Variants in CACNA2D3 observed in about 807,000 individuals in gnomAD.
CACNA2D3 encodes calcium voltage-gated channel auxiliary subunit alpha2delta 3.
Under a neutral mutation model 160.6 loss-of-function variants are expected in CACNA2D3, and 60 were observed. The ratio of observed to expected loss-of-function variants is 0.37; its 90% confidence interval spans 0.30 to 0.46. CACNA2D3 has a LOEUF of 0.46. CACNA2D3 is among the 20% of genes least tolerant of loss of function. CACNA2D3 has a pLI of 1.00. For missense variants in CACNA2D3, 1,205 were observed against 1,365.0 expected, an observed-to-expected ratio of 0.88 and a Z score of 1.85; for synonymous variants, 558 against 492.9, an observed-to-expected ratio of 1.13 and a Z score of -1.75.
intron 4 of CACNA2D3, among the ~76,000 whole-genome samples, chr3:54,426,431 T>A (rs892937633): frequency 1.2e-4 from 18 of 152,346 alleles, no homozygotes; most frequent in African/African-American, 4.3e-4. Flanking sequence ...TGGAATCAAT[T>A]ACACAGTGCT....
intron 2 of CACNA2D3, among the ~76,000 whole-genome samples, chr3:54,303,709 G>C (rs1282436856): frequency 6.6e-6 from 1 of 152,150 alleles, no homozygotes; most frequent in African/African-American, 2.4e-5. Context: ...ACACTTAGGG[G>C]AGACATGGCT....
At chr3:54,358,128 T>A (rs1451655541) in intron 3 of CACNA2D3, among the ~76,000 whole-genome samples, 13 of 152,288 alleles carry the variant, frequency 8.5e-5, no homozygotes, top group Admixed American at 8.5e-4. Flanking sequence ...TATGGGAAAT[T>A]GTGTGTGTGA....
intron 27 of CACNA2D3, among the ~76,000 whole-genome samples, chr3:54,965,101 G>A (rs1185154674): frequency 6.6e-6 from 1 of 152,132 alleles, no homozygotes; most frequent in Non-Finnish European, 1.5e-5. Flanking sequence ...GGTTTTGTGG[G>A]CCATGCAATC....
At chr3:54,431,571 G>T (rs1425464883) in intron 4 of CACNA2D3, among the ~76,000 whole-genome samples, 1 of 152,028 alleles carries the variant, frequency 6.6e-6, no homozygotes, top group Non-Finnish European at 1.5e-5. Flanking sequence ...AGGGTCAACT[G>T]TATATATGTA....
At chr3:54,324,900 T>G (rs1704088938) in intron 3 of CACNA2D3, among the ~76,000 whole-genome samples, 1 of 139,616 alleles carries the variant, frequency 7.2e-6, no homozygotes, top group Admixed American at 7.4e-5. Context: ...TGGAAATGCT[T>G]GTCTGTGTCA....
intron 3 of CACNA2D3, among the ~76,000 whole-genome samples, chr3:54,322,378 C>T (rs1309190784): frequency 2.6e-5 from 4 of 152,216 alleles, no homozygotes. Flanking sequence ...CGTGCTTACA[C>T]TTATTGAGTT....
At chr3:54,198,834 C>A (rs1004346991) in intron 2 of CACNA2D3, among the ~76,000 whole-genome samples, 2 of 152,260 alleles carry the variant, frequency 1.3e-5, no homozygotes, top group Admixed American at 1.3e-4. Flanking sequence ...TCGGCACAGG[C>A]CATTCTCAAA....
At chr3:54,336,939 G>T (rs1256047313) in intron 3 of CACNA2D3, among the ~76,000 whole-genome samples, 2 of 152,190 alleles carry the variant, frequency 1.3e-5, no homozygotes, top group African/African-American at 2.4e-5. Flanking sequence ...GGGTGCAAGT[G>T]GGGGAGGGAA....
chr3:54,592,129 G>C (rs149539251), intron 9 of CACNA2D3, among the ~76,000 whole-genome samples: 26 of 152,208 alleles, frequency 1.7e-4, no homozygotes, highest in African/African-American at 5.5e-4. Context: ...CACAATACTC[G>C]GGTGACCCCC....
At chr3:55,072,265 T>C (rs1357586886) in intron 35 of CACNA2D3, among the ~76,000 whole-genome samples, 1 of 152,148 alleles carries the variant, frequency 6.6e-6, no homozygotes, top group East Asian at 1.9e-4. Flanking sequence ...GAATATTAGA[T>C]GGGCATTGGG....
chr3:54,125,748 G>T (rs1699579489), intron 2 of CACNA2D3, among the ~76,000 whole-genome samples: 3 of 152,188 alleles, frequency 2.0e-5, no homozygotes, highest in Admixed American at 2.0e-4. Flanking sequence ...AAGAACATTG[G>T]TTTAGAGAGT....
chr3:54,164,839 T>C (rs1192458022), intron 2 of CACNA2D3, among the ~76,000 whole-genome samples: 1 of 152,204 alleles, frequency 6.6e-6, no homozygotes, highest in Non-Finnish European at 1.5e-5. Flanking sequence ...ACTTCCAGGC[T>C]GTGTGGCCTT....
At chr3:54,245,300 T>C (rs868311677) in intron 2 of CACNA2D3, among the ~76,000 whole-genome samples, 200 of 151,850 alleles carry the variant, frequency 1.3e-3, no homozygotes, top group African/African-American at 4.7e-3. Flanking sequence ...TAAGTGTGCA[T>C]GTGTATGGGT....
At chr3:54,828,598 CTGTT>C (rs1477205994) in intron 14 of CACNA2D3, among the ~76,000 whole-genome samples, 2 of 152,122 alleles carry the variant, frequency 1.3e-5, no homozygotes, top group African/African-American at 4.8e-5. Flanking sequence ...TAGAAGAGGA[CTGTT>C]TTTAGATTCT....
chr3:54,313,291 C>G (rs1414622131), intron 2 of CACNA2D3, among the ~76,000 whole-genome samples: 1 of 152,110 alleles, frequency 6.6e-6, no homozygotes, highest in Non-Finnish European at 1.5e-5. Flanking sequence ...TCCAGGAGCC[C>G]TGCCTCTCAT....
Position 54,510,025 on chromosome 3 carries a change from C to T in CACNA2D3, c.544+6371C>T, listed in dbSNP as rs184820437. Among the ~76,000 whole-genome samples the T allele has an allele frequency of 2.0e-4, 31 of 152,260 alleles. 1 individual carries two copies. The highest frequency in any genetic ancestry group is 4.1e-4 in the Non-Finnish European group (28 of 68,032). ...CCCTTTGTGGCTCCTCAGTCCTATG[C>T]TTAGGCTTATGTTTAGCCTGGAAGT... is the stretch of plus-strand genomic sequence containing the variant. On this transcript the variant is annotated intron_variant, in intron 5 of 37. Transcript: ENST00000474759.
intron 35 of CACNA2D3, among the ~76,000 whole-genome samples, chr3:55,057,899 A>G (rs1352397136): frequency 6.6e-6 from 1 of 152,236 alleles, no homozygotes; most frequent in Non-Finnish European, 1.5e-5. Context: ...CATGTCATGC[A>G]AAATGAACAA....
intron 35 of CACNA2D3, among the ~76,000 whole-genome samples, chr3:55,070,461 G>C (rs1220179743): frequency 6.6e-6 from 1 of 152,164 alleles, no homozygotes; most frequent in Non-Finnish European, 1.5e-5. Flanking sequence ...AGATGTGACA[G>C]CATGTTTGCC....
intron 11 of CACNA2D3, among the ~76,000 whole-genome samples, chr3:54,663,948 G>A (rs1209382788): frequency 2.0e-5 from 3 of 152,198 alleles, no homozygotes; most frequent in Non-Finnish European, 2.9e-5. Context: ...TCCTTTCTGC[G>A]CTCGCCTTCA....
Sources: allele counts gnomAD v4.1 joint callset (sites outside exome capture counted in the v4.1 genomes callset), GRCh38; gene constraint gnomAD v4.1.1; transcripts MANE v1.5; gene names NCBI Gene and HGNC (gene_info 2026-07-23, HGNC 2026-07-21).